The following SLC4A10 variants were observed in gnomAD, a reference collection of about 807,000 sequenced individuals.
SLC4A10 encodes the protein solute carrier family 4 member 10.
A neutral mutation model predicts 137.7 loss-of-function variants in SLC4A10; 42 were observed. The observed-to-expected ratio is 0.30, with a 90% CI of 0.24 to 0.39. SLC4A10 has a LOEUF of 0.39. SLC4A10 is among the 10% of genes least tolerant of loss of function. SLC4A10 has a pLI of 1.00. For synonymous variants in SLC4A10, 474 were observed against 464.1 expected (o/e 1.02, Z -0.27); for missense variants, 925 against 1,355.0 (o/e 0.68, Z 4.98).
At chr2:161,759,284 A>AC (rs2049993585) in intron 1 of SLC4A10, among the ~76,000 whole-genome samples, 1 of 151,996 alleles carries the variant, frequency 6.6e-6, no homozygotes, top group African/African-American at 2.4e-5. Context: ...CAATCAAGTT[A>AC]ATCAATACAT....
intron 1 of SLC4A10, among the ~76,000 whole-genome samples, chr2:161,695,391 A>G (rs922446214): frequency 1.3e-5 from 2 of 151,962 alleles, no homozygotes; most frequent in Non-Finnish European, 1.5e-5. Flanking sequence ...GAGAAGAGTA[A>G]TTTTAAAATT....
At chr2:161,883,964 T>C (rs948374971) in intron 10 of SLC4A10, among the ~76,000 whole-genome samples, 3 of 152,154 alleles carry the variant, frequency 2.0e-5, no homozygotes, top group Admixed American at 6.6e-5. Context: ...GGCCACATTC[T>C]GCGGCTCCAG....
At chr2:161,974,108 C>T in intron 23 of SLC4A10, 141 bp from the exon 24 acceptor site, 4 of 542,692 alleles carry the variant, frequency 7.4e-6, no homozygotes, top group Non-Finnish European at 6.3e-6. Flanking sequence ...TTGAAAGGAC[C>T]TGTGCTAACA....
At chr2:161,820,635 A>G (rs969597241) in intron 3 of SLC4A10, among the ~76,000 whole-genome samples, 2 of 152,230 alleles carry the variant, frequency 1.3e-5, no homozygotes, top group East Asian at 1.9e-4. Flanking sequence ...ATTCATTTTC[A>G]TTATTGTATA....
chr2:161,884,792 A>C (rs2062104342), intron 10 of SLC4A10, among the ~76,000 whole-genome samples: 1 of 152,232 alleles, frequency 6.6e-6, no homozygotes, highest in Admixed American at 6.5e-5. Flanking sequence ...AAGAATGTTT[A>C]AATATTTTTT....
chr2:161,825,458 C>G (rs2057951665), intron 3 of SLC4A10, among the ~76,000 whole-genome samples: 1 of 152,178 alleles, frequency 6.6e-6, no homozygotes, highest in South Asian at 2.1e-4. Flanking sequence ...CACCTGCACT[C>G]TTTTCTGCGT....
intron 2 of SLC4A10, among the ~76,000 whole-genome samples, chr2:161,775,035 T>C (rs528839528): frequency 6.6e-6 from 1 of 152,008 alleles, no homozygotes; most frequent in African/African-American, 2.4e-5. Flanking sequence ...GATTTGAATA[T>C]GATAGTATAT....
intron 1 of SLC4A10, among the ~76,000 whole-genome samples, chr2:161,722,140 G>C (rs1330906635): frequency 6.6e-6 from 1 of 152,134 alleles, no homozygotes; most frequent in Non-Finnish European, 1.5e-5. Context: ...CCTTTAGCTT[G>C]GTGAAATTTG....
intron 1 of SLC4A10, among the ~76,000 whole-genome samples, chr2:161,661,341 G>GGC (rs1484632240): frequency 1.3e-5 from 2 of 152,184 alleles, no homozygotes; most frequent in African/African-American, 4.8e-5. Context: ...TGGGCGTGGT[G>GGC]GCGCACGCCT....
rs1262123109 is a variant in SLC4A10, at chr2:161,836,526, GAGAGAGAAAGAAAGAAAGAA to G, written c.278-3259_278-3240del. On this transcript the variant is annotated intron_variant, in intron 3 of 26. Coordinates refer to ENST00000446997, the MANE Select transcript of SLC4A10 (RefSeq NM_001178015.2). ...AGAAAAAGAAAGAAAGAAAGAGAGAGAGAGAGAAAGAAAGAAAGAAAGAAAGAAAGAAAGAAAGAAAGAAA... is the reference window on the plus strand; with the variant it reads ...AGAAAAAGAAAGAAAGAAAGAGAGAGAGAAAGAAAGAAAGAAAGAAAGAAA... Among the ~76,000 whole-genome samples, 8 of 74,828 alleles carry G rather than the reference GAGAGAGAAAGAAAGAAAGAA, an allele frequency of 1.1e-4. No individual in the cohort carries two copies. The East Asian group carries it at 1.3e-3, about 12-fold the overall frequency. The allele number at this position is 74,828 out of a possible 152,430, so 49.1% of individuals were successfully genotyped here. A position where few individuals can be genotyped will look rare whatever the true frequency, so the allele number is the denominator to read the frequency against.
intron 2 of SLC4A10, among the ~76,000 whole-genome samples, chr2:161,792,098 G>C (rs1464829271): frequency 2.0e-5 from 3 of 151,956 alleles, no homozygotes; most frequent in Admixed American, 2.0e-4. Flanking sequence ...CTTATCAAAG[G>C]CATAATAACT....
chr2:161,664,650 G>C (rs977216890), intron 1 of SLC4A10, among the ~76,000 whole-genome samples: 3 of 151,114 alleles, frequency 2.0e-5, no homozygotes. Context: ...TTAGGACTTA[G>C]AATGAAAATA....
chr2:161,971,329 T>C (rs1457301268), intron 23 of SLC4A10, among the ~76,000 whole-genome samples: 1 of 152,152 alleles, frequency 6.6e-6, no homozygotes, highest in Non-Finnish European at 1.5e-5. Context: ...CTGCTTTGGC[T>C]GTCTTAATTA....
intron 1 of SLC4A10, among the ~76,000 whole-genome samples, chr2:161,685,324 T>C (rs575909802): frequency 6.6e-6 from 1 of 152,108 alleles, no homozygotes; most frequent in African/African-American, 2.4e-5. Flanking sequence ...ACTTTACAGA[T>C]AGAGAAATTG....
At chr2:161,678,827 A>C (rs1452695899) in intron 1 of SLC4A10, among the ~76,000 whole-genome samples, 1 of 152,174 alleles carries the variant, frequency 6.6e-6, no homozygotes, top group Non-Finnish European at 1.5e-5. Context: ...ATTTCATTAT[A>C]TGAACATACC....
intron 3 of SLC4A10, among the ~76,000 whole-genome samples, chr2:161,833,141 TA>T (rs2058547741): frequency 6.6e-6 from 1 of 152,208 alleles, no homozygotes; most frequent in African/African-American, 2.4e-5. Flanking sequence ...GGCAAATTAT[TA>T]GAACTTTGGC....
intron 10 of SLC4A10, among the ~76,000 whole-genome samples, chr2:161,884,095 G>T (rs2062030274): frequency 6.6e-6 from 1 of 152,118 alleles, no homozygotes; most frequent in Non-Finnish European, 1.5e-5. Context: ...CCATACACCT[G>T]ATTTAGCAGA....
intron 24 of SLC4A10, 22 bp downstream of exon 24, chr2:161,974,338 A>G: frequency 6.4e-7 from 1 of 1,565,848 alleles, no homozygotes; most frequent in Non-Finnish European, 8.7e-7. Flanking sequence ...ATTTAAAAAC[A>G]CATCAATTAA....
intron 2 of SLC4A10, among the ~76,000 whole-genome samples, chr2:161,787,715 A>C (rs911947983): frequency 3.3e-5 from 5 of 152,102 alleles, no homozygotes; most frequent in Non-Finnish European, 7.4e-5. Flanking sequence ...TCTTTTGTTA[A>C]TGTTTTCAAT....
Sources: allele counts gnomAD v4.1 joint callset (sites outside exome capture counted in the v4.1 genomes callset), GRCh38; gene constraint gnomAD v4.1.1; transcripts MANE v1.5; gene names NCBI Gene and HGNC (gene_info 2026-07-23, HGNC 2026-07-21).